CUX1: variants seen among roughly 807,000 people sequenced by gnomAD.
CUX1 encodes cut like homeobox 1.
A neutral mutation model predicts 158.8 loss-of-function variants in CUX1; 31 were observed. That is an observed-to-expected ratio of 0.20 (90% CI 0.15 to 0.26). CUX1 has a LOEUF of 0.26. Ranked by LOEUF, CUX1 falls within the 10% of genes least tolerant of loss-of-function variation. The pLI, the probability that CUX1 is intolerant of heterozygous loss-of-function variation, is 1.00. For missense variants in CUX1, 1,589 were observed against 2,014.6 expected, an observed-to-expected ratio of 0.79 and a Z score of 4.04; for synonymous variants, 879 against 862.1, an observed-to-expected ratio of 1.02 and a Z score of -0.34.
At chr7:102,168,008 G>C (rs782127695) in intron 9 of CUX1, among the ~76,000 whole-genome samples, 2 of 151,868 alleles carry the variant, frequency 1.3e-5, no homozygotes, top group Non-Finnish European at 2.9e-5. Flanking sequence ...AACCCGGGAG[G>C]CGGAGGTTGC....
upstream of CUX1, chr7:101,817,197 G>A (rs1215639259): frequency 2.0e-6 from 2 of 984,396 alleles, no homozygotes; most frequent in African/African-American, 3.5e-5. This position sits in a 1 kb window ranked among gnomAD's most constrained non-coding sequence, Gnocchi z 4.1. Flanking sequence ...CCGGGTGCCC[G>A]GGCAGTGTAC....
chr7:102,152,881 A>C (rs1456385790), intron 8 of CUX1, among the ~76,000 whole-genome samples: 1 of 152,208 alleles, frequency 6.6e-6, no homozygotes, highest in Non-Finnish European at 1.5e-5. Context: ...CGTCATTGTC[A>C]TTCGAAAGCC....
intron 3 of CUX1, among the ~76,000 whole-genome samples, chr7:102,063,495 T>C (rs575764389): frequency 5.3e-4 from 79 of 149,706 alleles, no homozygotes; most frequent in Non-Finnish European, 8.1e-4. Flanking sequence ...TTCACGCCAT[T>C]CTCCTGCCTC....
In CUX1 at chr7:101,981,156, G is replaced by T. The variant is rs549118873; in HGVS notation, c.142-46942G>T. On this transcript the variant is annotated intron_variant, in intron 2 of 23. Transcript: ENST00000292535. ...AGAGGTCCTGACATGAATACCCCCCGTTTTGTGAATCCTGAGCCAGTACTG... is the reference window on the plus strand; with the variant it reads ...AGAGGTCCTGACATGAATACCCCCCTTTTTGTGAATCCTGAGCCAGTACTG... 9.9e-5 allele frequency among the ~76,000 whole-genome samples: 15 copies of T among 151,962 alleles called. 3 individuals carry two copies. The highest frequency in any genetic ancestry group is 2.9e-4 in the African/African-American group (12 of 41,418).
chr7:102,213,008 CTAATTTTTTGTATT>C (rs1796707434), intron 20 of CUX1, among the ~76,000 whole-genome samples: 1 of 152,200 alleles, frequency 6.6e-6, no homozygotes. Context: ...CCACACCTGA[CTAATTTTTTGTATT>C]TAGTAGAGAC....
chr7:101,958,306 G>A (rs1158633505), intron 2 of CUX1, among the ~76,000 whole-genome samples: 2 of 152,018 alleles, frequency 1.3e-5, no homozygotes, highest in African/African-American at 2.4e-5. Context: ...CAGGAGAGAC[G>A]TAGTGGGGCT....
intron 1 of CUX1, among the ~76,000 whole-genome samples, chr7:101,907,987 G>A (rs1584945989): frequency 6.6e-6 from 1 of 152,190 alleles, no homozygotes; most frequent in East Asian, 1.9e-4. Flanking sequence ...TTTACTTTTA[G>A]GAGTAGGCAT....
intron 4 of CUX1, among the ~76,000 whole-genome samples, chr7:102,076,219 TAAA>T (rs1160722928): frequency 6.6e-6 from 1 of 151,984 alleles, no homozygotes; most frequent in East Asian, 1.9e-4. Context: ...TCGTCTCTAC[TAAA>T]AAAATACAAG....
chr7:101,948,052 C>T (rs922396077), intron 2 of CUX1, among the ~76,000 whole-genome samples: 17 of 152,202 alleles, frequency 1.1e-4, no homozygotes, highest in South Asian at 2.1e-4. Context: ...TCCCTGCCCC[C>T]GCTCTGTTAA....
At chr7:102,100,906 G>A (rs1016469097) in intron 5 of CUX1, among the ~76,000 whole-genome samples, 1 of 152,210 alleles carries the variant, frequency 6.6e-6, no homozygotes, top group African/African-American at 2.4e-5. Context: ...TTGCCTCATG[G>A]TTCTGCAGGC....
At chr7:102,128,954 G>A (rs1056443306) in intron 8 of CUX1, among the ~76,000 whole-genome samples, 2 of 151,824 alleles carry the variant, frequency 1.3e-5, no homozygotes, top group East Asian at 3.9e-4. Flanking sequence ...CTCCAGCCTG[G>A]GCAACAGAGA....
At chr7:102,062,879 C>T (rs1029610548) in intron 3 of CUX1, among the ~76,000 whole-genome samples, 11 of 151,996 alleles carry the variant, frequency 7.2e-5, no homozygotes, top group South Asian at 2.1e-4. Flanking sequence ...CCGAGGCGGG[C>T]GGATCACCTG....
chr7:102,037,969 T>TG (rs1198127485), intron 3 of CUX1, among the ~76,000 whole-genome samples: 1 of 151,280 alleles, frequency 6.6e-6, no homozygotes, highest in African/African-American at 2.4e-5. Flanking sequence ...GCACGAGAGT[T>TG]GCTTGAACCT....
intron 1 of CUX1, among the ~76,000 whole-genome samples, chr7:101,894,245 T>C (rs1801214861): frequency 6.6e-6 from 1 of 152,276 alleles, no homozygotes. Flanking sequence ...CAGAAAGTTA[T>C]GCAAGGTCTG....
chr7:101,937,205 G>A (rs1033718830), intron 2 of CUX1, among the ~76,000 whole-genome samples: 12 of 152,116 alleles, frequency 7.9e-5, no homozygotes, highest in Admixed American at 5.2e-4. Context: ...ACCCTGTACC[G>A]GGATGTCAGC....
At chr7:102,133,708 C>T (rs1833583466) in intron 8 of CUX1, among the ~76,000 whole-genome samples, 1 of 151,996 alleles carries the variant, frequency 6.6e-6, no homozygotes, top group Non-Finnish European at 1.5e-5. Context: ...AACTCCTGAC[C>T]TCGTGATCCA....
intron 2 of CUX1, among the ~76,000 whole-genome samples, chr7:101,970,206 T>A (rs1811780222): frequency 6.6e-6 from 1 of 151,974 alleles, no homozygotes; most frequent in East Asian, 1.9e-4. Flanking sequence ...TTGCAGAGAG[T>A]GGCCCAGAAT....
intron 20 of CUX1, among the ~76,000 whole-genome samples, chr7:102,215,432 G>A (rs781834296): frequency 6.6e-6 from 1 of 151,964 alleles, no homozygotes; most frequent in Non-Finnish European, 1.5e-5. Flanking sequence ...GCTCTTTCAC[G>A]GTCCACTGCC....
Position 102,133,109 on chromosome 7 carries a change from A to T in CUX1, c.674+17836A>T, listed in dbSNP as rs145014223. ...CTAAAATCTGTCTGATCCTGCTAAA[A>T]CCTGTCCCACTTAAAATCTCTCCGT... On this transcript the variant is annotated intron_variant, in intron 8 of 23. Coordinates refer to ENST00000292535, the MANE Select transcript of CUX1 (RefSeq NM_181552.4). Among the ~76,000 whole-genome samples the T allele has an allele frequency of 2.0e-5, 3 of 152,166 alleles. No homozygotes were observed. In the East Asian group the frequency reaches 5.8e-4, roughly 29 times the overall value.
Sources: allele counts gnomAD v4.1 joint callset (sites outside exome capture counted in the v4.1 genomes callset), GRCh38; gene constraint gnomAD v4.1.1; non-coding constraint Gnocchi (gnomAD v3.1); transcripts MANE v1.5; gene names NCBI Gene and HGNC (gene_info 2026-07-23, HGNC 2026-07-21).